KCNQ1OT1: variants seen among roughly 807,000 people sequenced by gnomAD.
KCNQ1OT1 encodes the protein KCNQ1 antisense RNA 2 (non-protein coding).
chr11:2,632,314 T>C (rs754905245), exon 1 of KCNQ1OT1: 11 of 398,418 alleles, frequency 2.8e-5, no homozygotes, highest in Admixed American at 4.4e-5. Flanking sequence ...TGATCATATC[T>C]ATGAACAAAC....
At chr11:2,614,198 C>T (rs1849024452) in exon 1 of KCNQ1OT1, 10 of 398,410 alleles carry the variant, frequency 2.5e-5, no homozygotes, top group Non-Finnish European at 4.4e-5. Context: ...GAGGGTGCCA[C>T]CTCAAATCTT....
chr11:2,649,941 T>A, exon 1 of KCNQ1OT1: 1 of 398,570 alleles, frequency 2.5e-6, no homozygotes, highest in Non-Finnish European at 4.4e-6. Context: ...TATTGTTAGC[T>A]TAATAGTGTC....
At chr11:2,610,257 A>G (rs1848957431) in exon 1 of KCNQ1OT1, 1 of 397,956 alleles carries the variant, frequency 2.5e-6, no homozygotes, top group South Asian at 1.3e-4. Context: ...GGTGAGATAC[A>G]GAAGTTATTC....
exon 1 of KCNQ1OT1, chr11:2,688,384 A>C (rs1042239039): frequency 2.5e-6 from 1 of 398,610 alleles, no homozygotes; most frequent in Non-Finnish European, 4.4e-6. Flanking sequence ...AGGTTTCAAT[A>C]ACTGCCATCC....
exon 1 of KCNQ1OT1, chr11:2,629,035 CTT>C (rs1321444943): frequency 7.5e-6 from 3 of 398,036 alleles, no homozygotes; most frequent in African/African-American, 6.2e-5. Context: ...ATATCTTTCA[CTT>C]TGTTCTTATT....
chr11:2,664,666 C>T lies in KCNQ1OT1; in HGVS notation n.35329G>A, dbSNP rs1341887962. 9 of 398,704 alleles carry T rather than the reference C, an allele frequency of 2.3e-5. No homozygotes were observed. Among genetic ancestry groups the T allele is most frequent in the Non-Finnish European group, 3.5e-5 (8 of 226,244 alleles). 24.7% of individuals were successfully genotyped at this position (398,704 alleles called of 1,614,324 possible). On this transcript the variant is annotated non_coding_transcript_exon_variant, in exon 1 of 1. Coordinates refer to ENST00000597346, the Ensembl canonical transcript of KCNQ1OT1. The surrounding 1 kb of genome is among the most constrained non-coding windows in gnomAD (Gnocchi z 5.1). ...CCAGCTGCTCAGGGATGCAGCGAAG[C>T]TCCTGTGGGCAGCCTGGCCCCATGG... is the stretch of plus-strand genomic sequence containing the variant.
exon 1 of KCNQ1OT1, chr11:2,688,819 C>T (rs1249088745): frequency 5.0e-6 from 2 of 398,746 alleles, no homozygotes; most frequent in African/African-American, 2.1e-5. Context: ...CCTGGCCCAT[C>T]CCACAAAGAG....
chr11:2,650,917 GA>G (rs1197583346), exon 1 of KCNQ1OT1: 2 of 398,630 alleles, frequency 5.0e-6, no homozygotes, highest in Non-Finnish European at 8.8e-6. Flanking sequence ...AAGCCTGGCT[GA>G]AAGTCTTTTT....
At chr11:2,696,403 C>T in exon 1 of KCNQ1OT1, 1 of 398,662 alleles carries the variant, frequency 2.5e-6, no homozygotes. Flanking sequence ...ATGTCCCCTT[C>T]CTCTAGACTT....
chr11:2,678,893 G>A lies in KCNQ1OT1; in HGVS notation n.21102C>T, dbSNP rs934414163. 6 of 398,398 alleles carry A rather than the reference G, an allele frequency of 1.5e-5. No individual in the cohort carries two copies. The highest frequency in any genetic ancestry group is 4.4e-5 in the Admixed American group (1 of 22,708). 24.7% of individuals were successfully genotyped at this position (398,398 alleles called of 1,614,324 possible). On this transcript the variant is annotated non_coding_transcript_exon_variant, in exon 1 of 1. Transcript: ENST00000597346. The surrounding 1 kb of genome is among the most constrained non-coding windows in gnomAD (Gnocchi z 4.9). ...GCCAGCTGGACCCAAGGACCATTTC[G>A]TATACATGTATGATCATACTTTCAG...
In KCNQ1OT1 at chr11:2,673,558, C is replaced by T. The variant is rs1036794006; in HGVS notation, n.26437G>A. On this transcript the variant is annotated non_coding_transcript_exon_variant, in exon 1 of 1. Transcript: ENST00000597346. The surrounding 1 kb of genome is among the most constrained non-coding windows in gnomAD (Gnocchi z 4.5). ...GCTCTCAGCCTATCCCCTCCCTGGCCATGCAGGTGGAAGACCCTATTACTT... is the reference window on the plus strand; with the variant it reads ...GCTCTCAGCCTATCCCCTCCCTGGCTATGCAGGTGGAAGACCCTATTACTT... 5 of 398,612 alleles carry T rather than the reference C, an allele frequency of 1.3e-5. No individual in the cohort carries two copies. Among genetic ancestry groups the T allele is most frequent in the African/African-American group, 1.0e-4 (5 of 48,644 alleles). 24.7% of individuals were successfully genotyped at this position (398,612 alleles called of 1,614,324 possible).
chr11:2,630,619 C>G (rs933264429), exon 1 of KCNQ1OT1: 1 of 398,284 alleles, frequency 2.5e-6, no homozygotes, highest in Non-Finnish European at 4.4e-6. Flanking sequence ...GATTTATATA[C>G]TACCATTACA....
exon 1 of KCNQ1OT1, chr11:2,667,374 C>T (rs1349752517): frequency 2.5e-6 from 1 of 398,798 alleles, no homozygotes; most frequent in Non-Finnish European, 4.4e-6. Flanking sequence ...ATCCAAATCA[C>T]CCTGCCCCAG....
rs1849914149 is a variant in KCNQ1OT1 at position 2,659,586 on chromosome 11, G to A, written n.40409C>T. The A allele has an allele frequency of 1.5e-5, 6 of 398,284 alleles. No homozygotes were observed. Among genetic ancestry groups the A allele is most frequent in the South Asian group, 2.5e-4 (2 of 7,844 alleles). The allele number at this position is 398,284 out of a possible 1,614,324, so 24.7% of individuals were successfully genotyped here. ...TACACATTTATGTACAGGTTTTTGC[G>A]AACATAAAAATTCAATTCACTTGGG... On this transcript the variant is annotated non_coding_transcript_exon_variant, in exon 1 of 1. Transcript: ENST00000597346. The surrounding 1 kb of genome is among the most constrained non-coding windows in gnomAD (Gnocchi z 4.3).
exon 1 of KCNQ1OT1, chr11:2,618,730 G>A (rs1014333266): frequency 1.5e-5 from 6 of 398,198 alleles, no homozygotes; most frequent in Non-Finnish European, 2.2e-5. Context: ...ATTTTCCATG[G>A]GATTTTGATA....
In KCNQ1OT1 at chr11:2,621,452, G is replaced by A; in HGVS notation, n.78543C>T. On this transcript the variant is annotated non_coding_transcript_exon_variant, in exon 1 of 1. Coordinates refer to ENST00000597346, the Ensembl canonical transcript of KCNQ1OT1. This position sits in a 1 kb window ranked among gnomAD's most constrained non-coding sequence, Gnocchi z 5.7. ...TATGGATTCTGGACATAGGACCTTT[G>A]CCAGATGAATAGTTTGCAAATATTT... is the stretch of plus-strand genomic sequence containing the variant. 1 of 398,504 alleles carries A rather than the reference G, an allele frequency of 2.5e-6. No individual in the cohort carries two copies. 24.7% of individuals were successfully genotyped at this position (398,504 alleles called of 1,614,324 possible). A position where few individuals can be genotyped will look rare whatever the true frequency, so the allele number is the denominator to read the frequency against.
exon 1 of KCNQ1OT1, chr11:2,697,392 G>A (rs1442156329): frequency 7.5e-6 from 3 of 398,418 alleles, no homozygotes; most frequent in African/African-American, 2.1e-5. Context: ...TCTTTTTCTT[G>A]TATTAGGGTA....
chr11:2,665,558 G>A (rs1268137473), exon 1 of KCNQ1OT1: 1 of 394,734 alleles, frequency 2.5e-6, no homozygotes, highest in African/African-American at 2.1e-5. Context: ...GCAGCCACCA[G>A]ATTTCCATTC....
At chr11:2,616,510 G>T (rs969143940) in exon 1 of KCNQ1OT1, 23 of 397,476 alleles carry the variant, frequency 5.8e-5, no homozygotes, top group Middle Eastern at 6.3e-4. Flanking sequence ...TTCTTTTTCA[G>T]TGTGGGCATT....
Sources: gnomAD v4.1 joint callset for allele counts on GRCh38, gnomAD v4.1.1 for gene constraint, Gnocchi (gnomAD v3.1) non-coding constraint, MANE v1.5 for transcripts, NCBI Gene and HGNC (gene_info 2026-07-23, HGNC 2026-07-21) for gene names.